Variants in FUT8 observed in about 807,000 individuals in gnomAD.
The protein encoded by FUT8 is fucosyltransferase 8.
A neutral mutation model predicts 71.3 loss-of-function variants in FUT8; 29 were observed. That is an observed-to-expected ratio of 0.41 (90% CI 0.30 to 0.55). FUT8 has a LOEUF of 0.55. Among genes scored for constraint, FUT8 ranks in the 20% least tolerant of loss-of-function variants. The pLI is 0.34. For synonymous variants in FUT8, 254 were observed against 239.3 expected (o/e 1.06, Z -0.57); for missense variants, 544 against 702.1 (o/e 0.77, Z 2.55).
chr14:65,571,276 T>G (rs557466700), intron 3 of FUT8, among the ~76,000 whole-genome samples: 16 of 152,244 alleles, frequency 1.1e-4, no homozygotes, highest in South Asian at 4.1e-4. Flanking sequence ...TTGCTGAACC[T>G]ATCCAAAAGA....
intron 7 of FUT8, among the ~76,000 whole-genome samples, chr14:65,692,515 CCCCA>C (rs1389848263): frequency 7.3e-6 from 1 of 137,374 alleles, no homozygotes; most frequent in African/African-American, 2.7e-5. Flanking sequence ...CTGACCCCCC[CCCCA>C]CCTCCCTCCC....
intron 2 of FUT8, among the ~76,000 whole-genome samples, chr14:65,463,863 A>G (rs2066002101): frequency 6.6e-6 from 1 of 152,234 alleles, no homozygotes; most frequent in Non-Finnish European, 1.5e-5. Context: ...ATTGAAAAAG[A>G]TGGTATGGAT....
At chr14:65,515,569 A>G (rs1390407520) in intron 2 of FUT8, among the ~76,000 whole-genome samples, 1 of 152,096 alleles carries the variant, frequency 6.6e-6, no homozygotes, top group Non-Finnish European at 1.5e-5. Flanking sequence ...TTTAGTAATT[A>G]CCAAAGAAAT....
At chr14:65,623,765 A>G (rs1189306997) in intron 5 of FUT8, among the ~76,000 whole-genome samples, 2 of 152,160 alleles carry the variant, frequency 1.3e-5, no homozygotes, top group African/African-American at 2.4e-5. Context: ...CGGTGTCTTC[A>G]GGCAACTTTA....
chr14:65,516,050 A>T (rs536437542), intron 2 of FUT8, among the ~76,000 whole-genome samples: 1 of 152,094 alleles, frequency 6.6e-6, no homozygotes, highest in African/African-American at 2.4e-5. Flanking sequence ...TGTAGTCCCA[A>T]CTACTCTGGA....
intron 6 of FUT8, among the ~76,000 whole-genome samples, chr14:65,642,972 A>C (rs1890910185): frequency 6.6e-6 from 1 of 152,228 alleles, no homozygotes; most frequent in African/African-American, 2.4e-5. Context: ...TCCAATATGG[A>C]TTCTAGTTGG....
intron 3 of FUT8, among the ~76,000 whole-genome samples, chr14:65,595,420 A>T (rs1304019399): frequency 2.0e-5 from 3 of 152,098 alleles, no homozygotes; most frequent in Non-Finnish European, 4.4e-5. Context: ...GGTTTACTTC[A>T]TCCTCCTTAA....
At position 65,669,867 on chromosome 14, in the gene FUT8, T is replaced by A. The variant is rs1287327080; in HGVS notation, c.835+387T>A. Among the ~76,000 whole-genome samples the A allele has an allele frequency of 6.6e-6, 1 of 152,186 alleles. No individual in the cohort carries two copies. Among genetic ancestry groups the A allele is most frequent in the Non-Finnish European group, 1.5e-5 (1 of 68,040 alleles). The stretch of plus-strand genomic sequence containing the variant: ...CTACTATATATGAGTAGCATGAGCA[T>A]GCATGAGAATCATCTGGAAGGTTTC... On this transcript the variant is annotated intron_variant, in intron 7 of 10. Coordinates refer to ENST00000673929, the MANE Select transcript of FUT8 (RefSeq NM_001371533.1). The surrounding 1 kb of genome is among the most constrained non-coding windows in gnomAD (Gnocchi z 4.5).
rs1468009500 is a variant in FUT8 at position 65,603,525 on chromosome 14, G to A, written c.204-12453G>A. ...TTCTAATTCTGTAAAGAATGATGGCGGTATTTTGATGGGGATTGCATTGAA... is the reference window on the plus strand; with the variant it reads ...TTCTAATTCTGTAAAGAATGATGGCAGTATTTTGATGGGGATTGCATTGAA... On this transcript the variant is annotated intron_variant, in intron 3 of 10. Transcript: ENST00000673929. The surrounding 1 kb of genome is among the most constrained non-coding windows in gnomAD (Gnocchi z 4.5). 6.6e-6 allele frequency among the ~76,000 whole-genome samples: 1 copy of A among 151,500 alleles called. No homozygotes were observed. Among genetic ancestry groups the A allele is most frequent in the Non-Finnish European group, 1.5e-5 (1 of 67,842 alleles).
At chr14:65,362,769 T>C in the FUT8 span, among the ~76,000 whole-genome samples, 1 of 151,352 alleles carries the variant, frequency 6.6e-6, no homozygotes, top group African/African-American at 2.4e-5. Flanking sequence ...GAGACCATCC[T>C]GGCTAACATG....
intron 2 of FUT8, among the ~76,000 whole-genome samples, chr14:65,499,815 C>CT (rs2066617585): frequency 7.8e-6 from 1 of 127,548 alleles, no homozygotes; most frequent in African/African-American, 3.1e-5. Context: ...AAGACCCTGT[C>CT]TCAAAAAAAA....
the FUT8 span, among the ~76,000 whole-genome samples, chr14:65,402,464 C>T: frequency 0.018 from 2,714 of 151,192 alleles, 81 homozygotes; most frequent in African/African-American, 0.062. Context: ...GTCAGGAGAT[C>T]GAGACCATCT....
intron 7 of FUT8, among the ~76,000 whole-genome samples, chr14:65,698,042 A>G (rs557028578): frequency 6.6e-6 from 1 of 152,254 alleles, no homozygotes; most frequent in Admixed American, 6.5e-5. Context: ...GTAATGTTTA[A>G]TTTTTGTAAC....
At chr14:65,399,321 A>T in the FUT8 span, among the ~76,000 whole-genome samples, 1 of 152,248 alleles carries the variant, frequency 6.6e-6, no homozygotes, top group South Asian at 2.1e-4. Flanking sequence ...CATCTAAAAA[A>T]AAAAGATATT....
chr14:65,435,793 TC>T (rs1159966459), intron 1 of FUT8, among the ~76,000 whole-genome samples: 2 of 143,368 alleles, frequency 1.4e-5, no homozygotes, highest in Non-Finnish European at 3.0e-5. Flanking sequence ...CCTTTTTCTT[TC>T]TTTTTTTTTT....
chr14:65,406,499 TTTTTC>T (rs755277017), upstream of FUT8, among the ~76,000 whole-genome samples: 167 of 152,322 alleles, frequency 1.1e-3, 1 homozygote, highest in African/African-American at 2.7e-3. Context: ...GCTTGTTTTC[TTTTTC>T]TTTTCTTTTC....
chr14:65,447,008 C>G (rs894793880), intron 1 of FUT8, among the ~76,000 whole-genome samples: 6 of 152,084 alleles, frequency 3.9e-5, no homozygotes, highest in African/African-American at 1.4e-4. Flanking sequence ...GCCCCTTTGT[C>G]TGTCTCTTCT....
Position 65,550,114 on chromosome 14 carries a change from T to G in FUT8, c.-227-11223T>G, listed in dbSNP as rs1352149851. ...TTACTTGGTTCCCAGCTTTGCAGTC[T>G]GTAGGAGAAGCATAATGCCAGCATC... On this transcript the variant is annotated intron_variant, in intron 2 of 10. Coordinates refer to ENST00000673929, the MANE Select transcript of FUT8 (RefSeq NM_001371533.1). This position sits in a 1 kb window ranked among gnomAD's most constrained non-coding sequence, Gnocchi z 4.5. Among the ~76,000 whole-genome samples, 1 of 151,984 alleles carries G rather than the reference T, an allele frequency of 6.6e-6. No individual in the cohort carries two copies. The highest frequency in any genetic ancestry group is 2.4e-5 in the African/African-American group (1 of 41,374).
At chr14:65,438,027 A>G (rs544261489) in intron 1 of FUT8, among the ~76,000 whole-genome samples, 1 of 152,322 alleles carries the variant, frequency 6.6e-6, no homozygotes, top group Admixed American at 6.5e-5. Context: ...GACCCAAACT[A>G]TTTTGGCTCA....
Sources: gnomAD v4.1 joint callset for allele counts (sites outside exome capture counted in the v4.1 genomes callset) on GRCh38, gnomAD v4.1.1 for gene constraint, Gnocchi (gnomAD v3.1) non-coding constraint, MANE v1.5 for transcripts, NCBI Gene and HGNC (gene_info 2026-07-23, HGNC 2026-07-21) for gene names.